Variants in TMEM240 observed in about 807,000 individuals in gnomAD.
The protein encoded by TMEM240 is transmembrane protein C1orf70.
In TMEM240, 3 loss-of-function variants were observed where a neutral mutation model predicts 19.5. The observed-to-expected ratio is 0.15, with a 90% CI of 0.07 to 0.40. The LOEUF is 0.40. TMEM240 is among the 10% of genes least tolerant of loss of function. The probability of loss-of-function intolerance (pLI) is 1.00; values close to 1 mark genes in which losing one functional copy is unlikely to be tolerated. For missense variants in TMEM240, 210 were observed against 253.5 expected (o/e 0.83, Z 1.17); for synonymous variants, 123 against 109.3 (o/e 1.13, Z -0.78).
At chr1:1,540,120 G>A (rs1446884952) in intron 1 of TMEM240, among the ~76,000 whole-genome samples, 170 bp downstream of exon 1, 1 of 108,624 alleles carries the variant, frequency 9.2e-6, no homozygotes, top group East Asian at 3.0e-4. Context: ...GGGAGCGGAG[G>A]CCGGGGTGGG....
chr1:1,537,362 C>T (rs927307702), intron 2 of TMEM240, among the ~76,000 whole-genome samples: 8 of 152,158 alleles, frequency 5.3e-5, no homozygotes, highest in African/African-American at 2.4e-5. Flanking sequence ...CACCAATGGG[C>T]AGCTGCTGAC....
At chr1:1,540,226 G>A in intron 1 of TMEM240, 64 bp downstream of exon 1, 1 of 1,178,680 alleles carries the variant, frequency 8.5e-7, no homozygotes. Flanking sequence ...AGGCGCGGGA[G>A]GTGGGCCAGG....
Position 1,539,959 on chromosome 1 carries a change from G to A in TMEM240, c.58-169C>T, listed in dbSNP as rs185234781. On this transcript the variant is annotated intron_variant, in intron 1 of 3. Coordinates refer to ENST00000378733, the MANE Select transcript of TMEM240 (RefSeq NM_001114748.2). The stretch of plus-strand genomic sequence containing the variant: ...GGGGAGCGCAGCGGGTATGGGGATC[G>A]CAGGCTGGGGAGGGGAGCGCAGGCC... Among the ~76,000 whole-genome samples the A allele has an allele frequency of 3.2e-3, 348 of 108,402 alleles. 3 individuals are homozygous for A. Among genetic ancestry groups the A allele is most frequent in the African/African-American group, 0.012 (315 of 27,056 alleles). The allele number at this position is 108,402 out of a possible 152,430, so 71.1% of individuals were successfully genotyped here.
chr1:1,540,398 C>T lies in TMEM240; in HGVS notation c.-52G>A. 2 of 844,084 alleles carry T rather than the reference C, an allele frequency of 2.4e-6. No homozygotes were observed. Among genetic ancestry groups the T allele is most frequent in the Non-Finnish European group, 3.0e-6 (2 of 668,714 alleles). 52.3% of individuals were successfully genotyped at this position (844,084 alleles called of 1,614,324 possible). On this transcript the variant is annotated 5_prime_UTR_variant, in exon 1 of 4. Coordinates refer to ENST00000378733, the MANE Select transcript of TMEM240 (RefSeq NM_001114748.2). Reference sequence around the variant, plus strand: ...GCCGCCCCCCGGCCCCGGCGCCCCCCCGGCCCCGGCCCGATGCTGAGCCCC... The same window carrying T: ...GCCGCCCCCCGGCCCCGGCGCCCCCTCGGCCCCGGCCCGATGCTGAGCCCC...
intron 2 of TMEM240, chr1:1,539,249 C>G (rs540629185): frequency 3.0e-4 from 52 of 175,940 alleles, no homozygotes; most frequent in Admixed American, 2.7e-3. Flanking sequence ...TCCTCTCCAG[C>G]CCGGGGGTGG....
At position 1,535,397 on chromosome 1, in the gene TMEM240, G is replaced by C; in HGVS notation, c.484C>G (p.Leu162Val). The change falls in exon 4 of 4, where the codon CTC becomes GTC. Residue 162 changes from leucine to valine, a missense_variant. By Grantham distance (32) the Leu-to-Val change is conservative. Transcript: ENST00000378733. The surrounding 1 kb of genome is among the most constrained non-coding windows in gnomAD (Gnocchi z 8.2). The part of the protein sequence containing the change: ...AGNMVHVKQK[L>V]YHNGHPSPRH... ...GGGCTGGGGTGGCCATTGTGGTAGA[G>C]TTTCTGCTTCACGTGTACCATGTTC... The C allele has an allele frequency of 3.2e-6, 5 of 1,549,898 alleles. No homozygotes were observed. Among genetic ancestry groups the C allele is most frequent in the Non-Finnish European group, 4.4e-6 (5 of 1,146,512 alleles).
At position 1,535,714 on chromosome 1, in the gene TMEM240, A is replaced by G. The variant is rs967093969; in HGVS notation, c.248T>C (p.Val83Ala). 1.9e-6 allele frequency: 3 copies of G among 1,550,288 alleles called. No individual in the cohort carries two copies. Among genetic ancestry groups the G allele is most frequent in the Non-Finnish European group, 2.6e-6 (3 of 1,146,714 alleles). ...CATGAGGTCGATCTCCTGCTTGGTC[A>G]CACTGTCCGTCACAAAGTAGTTCTC... is the stretch of plus-strand genomic sequence containing the variant. ...ASENYFVTDS[V>A]TKQEIDLMLG... The change falls in exon 3 of 4, where the codon GTG becomes GCG. Residue 83 changes from valine to alanine, a missense_variant. Transcript: ENST00000378733. This position sits in a 1 kb window ranked among gnomAD's most constrained non-coding sequence, Gnocchi z 8.2.
At position 1,536,740 on chromosome 1, in the gene TMEM240, C is replaced by CCTGGGAGTGG. The variant is rs1642229694; in HGVS notation, c.165-944_165-943insCCACTCCCAG. On this transcript the variant is annotated intron_variant, in intron 2 of 3. Coordinates refer to ENST00000378733, the MANE Select transcript of TMEM240 (RefSeq NM_001114748.2). This position sits in a 1 kb window ranked among gnomAD's most constrained non-coding sequence, Gnocchi z 5.4. ...ACAGTCAACTCTGGGATCCCTAGTC[C>CCTGGGAGTGG]AACAGGAGGGCCTGGGAGTGGAGCC... Among the ~76,000 whole-genome samples, 1 of 152,112 alleles carries CCTGGGAGTGG rather than the reference C, an allele frequency of 6.6e-6. No individual in the cohort carries two copies. The highest frequency in any genetic ancestry group is 2.4e-5 in the African/African-American group (1 of 41,440).
chr1:1,539,804 T>C lies in TMEM240; in HGVS notation c.58-14A>G. The C allele has an allele frequency of 1.3e-6, 2 of 1,536,702 alleles. No individual in the cohort carries two copies. Among genetic ancestry groups the C allele is most frequent in the Non-Finnish European group, 1.8e-6 (2 of 1,140,882 alleles). On this transcript the variant is annotated splice_polypyrimidine_tract_variant and intron_variant, in intron 1 of 3. Coordinates refer to ENST00000378733, the MANE Select transcript of TMEM240 (RefSeq NM_001114748.2). ...GCACGCGATGGCCTGGAAGAGCTCA[T>C]GACCGGTCAGCGCCAAGGAGCGGGC...
At chr1:1,539,940 C>G (rs1422057647) in intron 1 of TMEM240, 150 bp from the exon 2 acceptor site, 7 of 363,978 alleles carry the variant, frequency 1.9e-5, no homozygotes, top group Admixed American at 5.1e-5. Context: ...GTAGGGGGAG[C>G]GCAGCGGGTA....
chr1:1,540,368 G>A lies in TMEM240; in HGVS notation c.-22C>T, dbSNP rs1424926604. On this transcript the variant is annotated 5_prime_UTR_variant, in exon 1 of 4. Transcript: ENST00000378733. ...ACATCGGGCGGGGCCGGGCCGGGCCGGAGCGCCGCCCCCCGGCCCCGGCGC... is the reference window on the plus strand; with the variant it reads ...ACATCGGGCGGGGCCGGGCCGGGCCAGAGCGCCGCCCCCCGGCCCCGGCGC... 1.4e-5 allele frequency: 16 copies of A among 1,164,722 alleles called. No homozygotes were observed. Among genetic ancestry groups the A allele is most frequent in the Non-Finnish European group, 1.5e-5 (14 of 937,204 alleles). 72.1% of individuals were successfully genotyped at this position (1,164,722 alleles called of 1,614,324 possible).
chr1:1,537,939 C>T (rs1050607103), intron 2 of TMEM240, among the ~76,000 whole-genome samples: 2 of 152,240 alleles, frequency 1.3e-5, no homozygotes, highest in East Asian at 1.9e-4. Flanking sequence ...ACGTTCTCCA[C>T]GTCAACGTCT....
At chr1:1,537,996 G>C (rs1220652633) in intron 2 of TMEM240, among the ~76,000 whole-genome samples, 10 of 152,180 alleles carry the variant, frequency 6.6e-5, no homozygotes, top group Admixed American at 6.5e-4. Flanking sequence ...CACTCGTTCT[G>C]AACACCAGCG....
At position 1,536,034 on chromosome 1, in the gene TMEM240, G is replaced by C. The variant is rs1188188260; in HGVS notation, c.165-237C>G. On this transcript the variant is annotated intron_variant, in intron 2 of 3. Transcript: ENST00000378733. This position sits in a 1 kb window ranked among gnomAD's most constrained non-coding sequence, Gnocchi z 5.4. The stretch of plus-strand genomic sequence containing the variant: ...GCTGTGGAGGCCGAGCGTGAAGTCC[G>C]GGCAGACAGCGGGACCAGCTGCCGG... Among the ~76,000 whole-genome samples the C allele has an allele frequency of 6.6e-6, 1 of 152,092 alleles. No individual in the cohort carries two copies. Among genetic ancestry groups the C allele is most frequent in the African/African-American group, 2.4e-5 (1 of 41,402 alleles).
Position 1,535,863 on chromosome 1 carries a change from C to T in TMEM240, c.165-66G>A. 7.0e-7 allele frequency: 1 copy of T among 1,429,876 alleles called. No homozygotes were observed. The allele number at this position is 1,429,876 out of a possible 1,614,324, so 88.6% of individuals were successfully genotyped here. On this transcript the variant is annotated intron_variant, in intron 2 of 3. Transcript: ENST00000378733. This position sits in a 1 kb window ranked among gnomAD's most constrained non-coding sequence, Gnocchi z 8.2. The stretch of plus-strand genomic sequence containing the variant: ...CCGGCCTGGCCTTCCCCCGGGGCGC[C>T]TACCCCGTGGTGGGGGTGTGACCGC...
rs1368009258 is a variant in TMEM240 at position 1,540,306 on chromosome 1, C to G, written c.41G>C (p.Gly14Ala). The G allele has an allele frequency of 1.5e-6, 2 of 1,342,604 alleles. No individual in the cohort carries two copies. Among genetic ancestry groups the G allele is most frequent in the African/African-American group, 1.5e-5 (1 of 64,742 alleles). 83.2% of individuals were successfully genotyped at this position (1,342,604 alleles called of 1,614,324 possible). A position where few individuals can be genotyped will look rare whatever the true frequency, so the allele number is the denominator to read the frequency against. ...TCCGCTCACCATCACGACCGACGCC[C>G]CCAGAATCATGAAGATCATGGTGTT... ...SANTMIFMIL[G>A]ASVVMAIACL... is the part of the protein sequence containing the mutation. The change falls in exon 1 of 4, where the codon GGG (glycine) becomes GCG (alanine). Residue 14 changes from glycine to alanine, a missense_variant. Physicochemically the swap from Gly to Ala is moderately conservative, Grantham distance 60. Around this residue, in one of 3 missense-constraint regions of TMEM240, gnomAD observed 30 missense variants for 27.7 expected, o/e 1.08. Transcript: ENST00000378733.
chr1:1,535,372 G>A lies in TMEM240; in HGVS notation c.509C>T (p.Pro170Leu), dbSNP rs606231451. ...TCCCCGTGCGGCTCACAGGTGCCGC[G>A]GGCTGGGGTGGCCATTGTGGTAGAG... The part of the protein sequence containing the change: ...QKLYHNGHPS[P>L]RHL Residue 170 changes from proline (P) to leucine (L), a missense_variant, in exon 4 of 4, where the codon CCG becomes CTG. Around this residue, in one of 3 missense-constraint regions of TMEM240, gnomAD observed 157 missense variants for 168.2 expected, o/e 0.93. Coordinates refer to ENST00000378733, the MANE Select transcript of TMEM240 (RefSeq NM_001114748.2). This position sits in a 1 kb window ranked among gnomAD's most constrained non-coding sequence, Gnocchi z 8.2. 6.5e-7 allele frequency: 1 copy of A among 1,549,528 alleles called. No homozygotes were observed. Among genetic ancestry groups the A allele is most frequent in the Non-Finnish European group, 8.7e-7 (1 of 1,146,354 alleles).
Position 1,535,419 on chromosome 1 carries a change from G to A in TMEM240, c.462C>T (p.Asn154=). 6.5e-7 allele frequency: 1 copy of A among 1,549,724 alleles called. No individual in the cohort carries two copies. The highest frequency in any genetic ancestry group is 2.0e-5 in the Admixed American group (1 of 50,974). Residue 154 remains asparagine, a synonymous_variant, in exon 4 of 4, where the codon AAC becomes AAT. Coordinates refer to ENST00000378733, the MANE Select transcript of TMEM240 (RefSeq NM_001114748.2). The surrounding 1 kb of genome is among the most constrained non-coding windows in gnomAD (Gnocchi z 8.2). The part of the protein sequence containing the change: ...PHRPFEEAAG[N]MVHVKQKLYH... ...AGAGTTTCTGCTTCACGTGTACCAT[G>A]TTCCCGGCGGCCTCCTCGAAGGGCC... is the stretch of plus-strand genomic sequence containing the variant.
Position 1,536,487 on chromosome 1 carries a change from C to T in TMEM240, c.165-690G>A, listed in dbSNP as rs563965011. On this transcript the variant is annotated intron_variant, in intron 2 of 3. Coordinates refer to ENST00000378733, the MANE Select transcript of TMEM240 (RefSeq NM_001114748.2). This position sits in a 1 kb window ranked among gnomAD's most constrained non-coding sequence, Gnocchi z 5.4. ...CCCGCCCCGCTCCTCTCAGGATGGA[C>T]GGCGTCCAGGCTCCAGGGCCCTTTC... is the stretch of plus-strand genomic sequence containing the variant. Among the ~76,000 whole-genome samples, 5 of 152,204 alleles carry T rather than the reference C, an allele frequency of 3.3e-5. No homozygotes were observed. The highest frequency in any genetic ancestry group is 5.9e-5 in the Non-Finnish European group (4 of 68,020).
Sources: gnomAD v4.1 joint callset for allele counts (sites outside exome capture counted in the v4.1 genomes callset) on GRCh38, gnomAD v4.1.1 for gene constraint, gnomAD v4.1.1 regional missense constraint, Gnocchi (gnomAD v3.1) non-coding constraint, MANE v1.5 for transcripts, NCBI Gene and HGNC (gene_info 2026-07-23, HGNC 2026-07-21) for gene names.